CUX1: variants seen among roughly 807,000 people sequenced by gnomAD.
The protein encoded by CUX1 is protein CASP.
A neutral mutation model predicts 158.8 loss-of-function variants in CUX1; 31 were observed. The ratio of observed to expected loss-of-function variants is 0.20; its 90% CI spans 0.15 to 0.26. The LOEUF (loss-of-function observed/expected upper bound fraction) is 0.26. Among genes scored for constraint, CUX1 ranks in the 10% least tolerant of loss-of-function variants. The probability of loss-of-function intolerance (pLI) is 1.00; values close to 1 mark genes in which losing one functional copy is unlikely to be tolerated. For synonymous variants in CUX1, 879 were observed against 862.1 expected, an observed-to-expected ratio of 1.02 and a Z score of -0.34; for missense variants, 1,589 against 2,014.6, an observed-to-expected ratio of 0.79 and a Z score of 4.04.
At chr7:102,163,727 G>T (rs1790707932) in intron 9 of CUX1, among the ~76,000 whole-genome samples, 1 of 152,208 alleles carries the variant, frequency 6.6e-6, no homozygotes, top group Non-Finnish European at 1.5e-5. Flanking sequence ...GGCGGGCTGG[G>T]CAGGAAGAGG....
intron 1 of CUX1, among the ~76,000 whole-genome samples, chr7:101,840,616 A>G (rs2131149312): frequency 6.6e-6 from 1 of 152,212 alleles, no homozygotes; most frequent in African/African-American, 2.4e-5. Context: ...ATATTGTTGG[A>G]TTTGATATAC....
chr7:102,149,249 G>T (rs1554502901), intron 8 of CUX1, among the ~76,000 whole-genome samples: 1 of 152,076 alleles, frequency 6.6e-6, no homozygotes, highest in Non-Finnish European at 1.5e-5. Context: ...ATCCTCCAGG[G>T]TACAGACTGG....
chr7:102,273,328 A>G (rs1377018018), intron 14 of CUX1: 10 of 1,602,910 alleles, frequency 6.2e-6, no homozygotes, highest in Middle Eastern at 1.8e-4. Context: ...GGGTCCCACC[A>G]GGCTCCCTCT....
chr7:101,932,554 A>G, intron 2 of CUX1: 1 of 454,750 alleles, frequency 2.2e-6, no homozygotes, highest in Non-Finnish European at 4.4e-6. Flanking sequence ...CCATTTGTGA[A>G]ACCATCAGCC....
chr7:101,982,896 G>A (rs866627475), intron 2 of CUX1, among the ~76,000 whole-genome samples: 2 of 99,892 alleles, frequency 2.0e-5, no homozygotes, highest in African/African-American at 4.2e-5. Flanking sequence ...GACAAGCCCC[G>A]GTGTGTGATG....
chr7:101,903,934 A>T (rs942892052), intron 1 of CUX1, among the ~76,000 whole-genome samples: 4 of 152,176 alleles, frequency 2.6e-5, no homozygotes, highest in Non-Finnish European at 1.5e-5. Context: ...TTATACTCAT[A>T]GACCAAATTA....
At chr7:101,841,987 TTATTCATTTTGTAATTTTC>T (rs1795234757) in intron 1 of CUX1, among the ~76,000 whole-genome samples, 1 of 152,238 alleles carries the variant, frequency 6.6e-6, no homozygotes, top group Admixed American at 6.5e-5. Context: ...GCTTTCATTT[TTATTCATTTTGTAATTTTC>T]TATTCATTTT....
chr7:102,044,694 A>G (rs555343591), intron 3 of CUX1, among the ~76,000 whole-genome samples: 1 of 151,948 alleles, frequency 6.6e-6, no homozygotes, highest in Non-Finnish European at 1.5e-5. Flanking sequence ...TCTCCTTGTT[A>G]ATGAGTACTT....
intron 3 of CUX1, among the ~76,000 whole-genome samples, chr7:102,058,364 C>G (rs1824396221): frequency 6.6e-6 from 1 of 152,210 alleles, no homozygotes; most frequent in Non-Finnish European, 1.5e-5. Flanking sequence ...ACCTCCACCT[C>G]CAGGGTTCAA....
At chr7:102,210,462 T>G (rs1387873720) in intron 20 of CUX1, among the ~76,000 whole-genome samples, 1 of 151,962 alleles carries the variant, frequency 6.6e-6, no homozygotes, top group Non-Finnish European at 1.5e-5. Flanking sequence ...GGTCTCAAAC[T>G]CCTGGCCTCC....
intron 4 of CUX1, among the ~76,000 whole-genome samples, chr7:102,097,061 G>T (rs1221210579): frequency 6.6e-6 from 1 of 152,220 alleles, no homozygotes; most frequent in Non-Finnish European, 1.5e-5. Context: ...CTACTTATCT[G>T]ATCAAAGAAT....
intron 1 of CUX1, among the ~76,000 whole-genome samples, chr7:101,886,508 A>T (rs897595359): frequency 6.6e-6 from 1 of 151,932 alleles, no homozygotes; most frequent in Non-Finnish European, 1.5e-5. Flanking sequence ...GCCGGCACCC[A>T]CCTTTTTGTG....
At position 102,248,779 on chromosome 7, in the gene CUX1, G is replaced by T. The variant is rs1430314955; in HGVS notation, c.4255G>T (p.Asp1419Tyr). 2.3e-5 allele frequency: 24 copies of T among 1,053,008 alleles called. No individual in the cohort carries two copies. The East Asian group carries it at 1.3e-3, about 55-fold the overall frequency. 65.2% of individuals were successfully genotyped at this position (1,053,008 alleles called of 1,614,324 possible). Reference sequence around the variant, plus strand: ...CACCGCCGCGCCCGCGGCCCCCGAGGACGCCGCTACCTCAGCCGCCGCCGC... The same window carrying T: ...CACCGCCGCGCCCGCGGCCCCCGAGTACGCCGCTACCTCAGCCGCCGCCGC... ...TATAAPAAPE[D>Y]AATSAAAAPG... The change falls in exon 24 of 24, where the codon GAC becomes TAC. Residue 1419 changes from aspartate to tyrosine, a missense_variant. Asp to Tyr is a radical substitution (Grantham distance 160, BLOSUM62 -3). Coordinates refer to ENST00000292535, the MANE Select transcript of CUX1 (RefSeq NM_181552.4). This position sits in a 1 kb window ranked among gnomAD's most constrained non-coding sequence, Gnocchi z 5.8.
intron 2 of CUX1, among the ~76,000 whole-genome samples, chr7:102,000,760 T>A (rs1248842688): frequency 6.6e-5 from 10 of 152,024 alleles, no homozygotes; most frequent in Admixed American, 6.6e-4. Flanking sequence ...TAAGGGAAGG[T>A]TTTGTTTTTG....
chr7:102,012,035 AATTT>A (rs1484446799), intron 2 of CUX1, among the ~76,000 whole-genome samples: 1 of 151,710 alleles, frequency 6.6e-6, no homozygotes, highest in Non-Finnish European at 1.5e-5. Flanking sequence ...TTGACGCTTG[AATTT>A]ATTTATTTAT....
At chr7:102,079,416 C>T (rs1213962486) in intron 4 of CUX1, among the ~76,000 whole-genome samples, 2 of 148,952 alleles carry the variant, frequency 1.3e-5, no homozygotes, top group Non-Finnish European at 3.0e-5. Context: ...TTAGCCTGGG[C>T]AACAGAGTGA....
intron 20 of CUX1, among the ~76,000 whole-genome samples, chr7:102,223,678 GA>G (rs1265935789): frequency 6.6e-6 from 1 of 151,898 alleles, no homozygotes; most frequent in Non-Finnish European, 1.5e-5. Flanking sequence ...AATAAAAAAA[GA>G]AAAAAAGGGT....
chr7:102,103,745 C>T (rs1830031260), intron 5 of CUX1, among the ~76,000 whole-genome samples: 1 of 144,240 alleles, frequency 6.9e-6, no homozygotes, highest in Admixed American at 7.1e-5. Flanking sequence ...TGTAGACTTT[C>T]ATCTTTTTTT....
At chr7:101,983,343 G>C (rs1021489975) in intron 2 of CUX1, among the ~76,000 whole-genome samples, 19 of 152,272 alleles carry the variant, frequency 1.2e-4, no homozygotes, top group Middle Eastern at 6.8e-3. Context: ...GTGGTCTCCA[G>C]CCCCAGGAAA....
Sources: gnomAD v4.1 joint callset for allele counts (sites outside exome capture counted in the v4.1 genomes callset) on GRCh38, gnomAD v4.1.1 for gene constraint, Gnocchi (gnomAD v3.1) non-coding constraint, MANE v1.5 for transcripts, NCBI Gene and HGNC (gene_info 2026-07-23, HGNC 2026-07-21) for gene names.